Variants in BRCA1 observed in about 807,000 individuals in gnomAD.
The protein encoded by BRCA1 is breast cancer type 1 susceptibility protein.
BRCA1 carries 140 observed loss-of-function variants against 173.7 expected under a neutral mutation model. The observed-to-expected ratio is 0.81, with a 90% CI of 0.70 to 0.93. The LOEUF (loss-of-function observed/expected upper bound fraction) is 0.93, where lower values mean the gene tolerates loss of function less well. Ranked by LOEUF, BRCA1 falls within the 40% of genes least tolerant of loss-of-function variation. BRCA1 has a pLI of 0.00. For synonymous variants in BRCA1, 662 were observed against 756.0 expected (o/e 0.88, Z 2.04); for missense variants, 1,983 against 2,172.5 (o/e 0.91, Z 1.73).
rs2053130301 is a variant in BRCA1 at position 43,083,991 on chromosome 17, A to C, written c.4186-1416T>G. Among the ~76,000 whole-genome samples, 4 of 150,176 alleles carry C rather than the reference A, an allele frequency of 2.7e-5. 1 individual carries two copies. Among genetic ancestry groups the C allele is most frequent in the African/African-American group, 7.4e-5 (3 of 40,746 alleles). On this transcript the variant is annotated intron_variant, in intron 11 of 22. Transcript: ENST00000357654. ...CAATTCTCCCTGCCTCAGCCTCTCA[A>C]GTAGCTGGGATTACAGGCACCTGTT...
chr17:43,103,845 A>G (rs749875230), intron 6 of BRCA1, among the ~76,000 whole-genome samples: 1 of 151,934 alleles, frequency 6.6e-6, no homozygotes, highest in Non-Finnish European at 1.5e-5. Flanking sequence ...AGTGGCTCAC[A>G]CCTGTAATCC....
intron 1 of BRCA1, chr17:43,139,817 T>G (rs2056061000): frequency 2.2e-6 from 1 of 460,594 alleles, no homozygotes. Context: ...CTTTCTTAGT[T>G]TGCTGAGGAT....
chr17:43,103,621 G>A (rs2054586143), intron 6 of BRCA1, among the ~76,000 whole-genome samples: 1 of 152,036 alleles, frequency 6.6e-6, no homozygotes, highest in African/African-American at 2.4e-5. Flanking sequence ...TCACCTGGCT[G>A]TAAGGTCTCT....
At chr17:43,061,766 G>A (rs1385720404) in intron 18 of BRCA1, among the ~76,000 whole-genome samples, 1 of 151,938 alleles carries the variant, frequency 6.6e-6, no homozygotes, top group African/African-American at 2.4e-5. Context: ...TGTGTTTTTA[G>A]TAGAGACAAG....
intron 22 of BRCA1, among the ~76,000 whole-genome samples, chr17:43,046,407 C>CT (rs1308906531): frequency 2.7e-5 from 4 of 148,852 alleles, no homozygotes; most frequent in Non-Finnish European, 4.5e-5. Flanking sequence ...ATTGTTTTTT[C>CT]TTTTTTTTCA....
At chr17:43,139,058 C>T in intron 1 of BRCA1, 2 of 695,018 alleles carry the variant, frequency 2.9e-6, no homozygotes, top group Non-Finnish European at 5.2e-6. Context: ...TTCTGTTTTC[C>T]TATCTGGGGT....
At chr17:43,127,082 C>T (rs565093007), upstream of BRCA1, among the ~76,000 whole-genome samples, 15 of 152,344 alleles carry the variant, frequency 9.8e-5, no homozygotes, top group South Asian at 1.7e-3. Context: ...ACCTGCAGCC[C>T]GCCATGCCCG....
At chr17:43,113,662 C>T (rs774368374) in intron 3 of BRCA1, among the ~76,000 whole-genome samples, 1 of 152,056 alleles carries the variant, frequency 6.6e-6, no homozygotes, top group Non-Finnish European at 1.5e-5. Flanking sequence ...CCACCGCGCC[C>T]GTCCTCTATT....
chr17:43,100,661 TATATATATATATATATA>T (rs2054398465), intron 6 of BRCA1, among the ~76,000 whole-genome samples: 1 of 18,260 alleles, frequency 5.5e-5, no homozygotes, highest in Non-Finnish European at 7.8e-5. Context: ...ATATAACATA[TATATATATATATATATA>T]ATATATATAT....
intron 19 of BRCA1, among the ~76,000 whole-genome samples, chr17:43,051,502 T>G (rs1326826131): frequency 6.6e-6 from 1 of 152,174 alleles, no homozygotes; most frequent in African/African-American, 2.4e-5. Flanking sequence ...ATAAGAGGCT[T>G]GGATGGCTAG....
chr17:43,131,380 AAATAATAAT>A, intron 1 of BRCA1: 2 of 339,846 alleles, frequency 5.9e-6, no homozygotes, highest in South Asian at 2.3e-5. Flanking sequence ...TTGTGTCTCA[AAATAATAAT>A]AATAATAATA....
At chr17:43,050,952 T>C in intron 20 of BRCA1, 111 bp downstream of exon 20, 1 of 1,093,652 alleles carries the variant, frequency 9.1e-7, no homozygotes, top group Non-Finnish European at 1.4e-6. Context: ...GAATAGCCTC[T>C]AGAACATTTC....
chr17:43,082,503 G>C lies in BRCA1; in HGVS notation c.4258C>G (p.Gln1420Glu), dbSNP rs80357305. 1.2e-6 allele frequency: 2 copies of C among 1,614,156 alleles called. No homozygotes were observed. The highest frequency in any genetic ancestry group is 1.7e-6 in the Non-Finnish European group (2 of 1,180,014). Residue 1420 changes from glutamine to glutamate, a missense_variant, in exon 12 of 23, where the codon CAG becomes GAG. Physicochemically the swap from Gln to Glu is conservative, Grantham distance 29. Coordinates refer to ENST00000357654, the MANE Select transcript of BRCA1 (RefSeq NM_007294.4). ...EMAELEAVLE[Q>E]HGSQPSNSYP... ...CTGTTAGAAGGCTGGCTCCCATGCT[G>C]TTCTAACACAGCTTCTAGTTCAGCC...
intron 21 of BRCA1, among the ~76,000 whole-genome samples, chr17:43,048,614 A>T (rs1232523464): frequency 1.3e-5 from 2 of 150,934 alleles, no homozygotes; most frequent in Non-Finnish European, 2.9e-5. Context: ...TCCCACGTTC[A>T]AGCGATGCTC....
chr17:43,068,553 T>TA lies in BRCA1; in HGVS notation c.4987-859dup, dbSNP rs755171693. ...GCAATACAGTGAGATTTCATGTCTTTAAAAAAAAAAAAAAGTAAAAAGAAA... is the reference window on the plus strand; with the variant it reads ...GCAATACAGTGAGATTTCATGTCTTTAAAAAAAAAAAAAAAGTAAAAAGAAA... On this transcript the variant is annotated intron_variant, in intron 15 of 22. Transcript: ENST00000357654. Among the ~76,000 whole-genome samples, 129 of 139,786 alleles carry TA rather than the reference T, an allele frequency of 9.2e-4. 1 individual carries two copies. The highest frequency in any genetic ancestry group is 1.8e-3 in the South Asian group (8 of 4,452). The allele number at this position is 139,786 out of a possible 152,430, so 91.7% of individuals were successfully genotyped here. A position where few individuals can be genotyped will look rare whatever the true frequency, so the allele number is the denominator to read the frequency against.
intron 2 of BRCA1, chr17:43,119,247 T>C: frequency 4.8e-6 from 1 of 209,126 alleles, no homozygotes; most frequent in Non-Finnish European, 9.6e-6. Context: ...CGGGCCAGCC[T>C]GGGTGACAGA....
At chr17:43,131,519 T>G (rs1433407997) in intron 1 of BRCA1, among the ~76,000 whole-genome samples, 1 of 152,050 alleles carries the variant, frequency 6.6e-6, no homozygotes, top group Non-Finnish European at 1.5e-5. Context: ...TTATGTTTCA[T>G]CCCCATTTCG....
chr17:43,126,738 C>T (rs1440861349), upstream of BRCA1, among the ~76,000 whole-genome samples: 2 of 152,150 alleles, frequency 1.3e-5, no homozygotes, highest in Middle Eastern at 3.2e-3. Flanking sequence ...CCATTCTGGC[C>T]GTGCTGGAGG....
chr17:43,081,318 A>G (rs988833079), intron 12 of BRCA1, among the ~76,000 whole-genome samples: 1 of 152,232 alleles, frequency 6.6e-6, no homozygotes, highest in Non-Finnish European at 1.5e-5. Flanking sequence ...GCACTGCCAT[A>G]GCAACAGAGT....
Sources: gnomAD v4.1 joint callset for allele counts (sites outside exome capture counted in the v4.1 genomes callset) on GRCh38, gnomAD v4.1.1 for gene constraint, MANE v1.5 for transcripts, NCBI Gene and HGNC (gene_info 2026-07-23, HGNC 2026-07-21) for gene names.